The following ZNF701 variants were observed in gnomAD, a reference collection of about 807,000 sequenced individuals.
ZNF701 encodes zinc finger protein 701.
In ZNF701, 6 loss-of-function variants were observed where a neutral mutation model predicts 7.1. That is an observed-to-expected ratio of 0.84 (90% CI 0.46 to 1.66). The LOEUF (loss-of-function observed/expected upper bound fraction) is 1.66, where lower values mean the gene tolerates loss of function less well. Ranked by LOEUF, ZNF701 falls within the 40% of genes most tolerant of loss-of-function variation. ZNF701 has a pLI of 0.01. For missense variants in ZNF701, 541 were observed against 559.2 expected, an observed-to-expected ratio of 0.97 and a Z score of 0.33; for synonymous variants, 166 against 188.2, an observed-to-expected ratio of 0.88 and a Z score of 0.97.
chr19:52,575,540 G>T (rs1295205711), intron 2 of ZNF701, among the ~76,000 whole-genome samples: 1 of 149,414 alleles, frequency 6.7e-6, no homozygotes, highest in African/African-American at 2.5e-5. Context: ...TTGCTTTGTT[G>T]CCCAGGCTAG....
In ZNF701 at chr19:52,582,376, C is replaced by T; in HGVS notation, c.317C>T (p.Thr106Ile). The change falls in exon 4 of 4, where the codon ACA (threonine) becomes ATA (isoleucine). Residue 106 changes from threonine to isoleucine, a missense_variant. By Grantham distance (89) the Thr-to-Ile change is moderately conservative. Coordinates refer to ENST00000391785, the MANE Select transcript of ZNF701 (RefSeq NM_018260.3). ...GTGTTTCAGTGGCAAGAAAATGAAA[C>T]AAATGGCCATGAAGCACTCATGACA... ...DFVFQWQENE[T>I]NGHEALMTKT... The T allele has an allele frequency of 1.9e-6, 3 of 1,613,548 alleles. No homozygotes were observed. Among genetic ancestry groups the T allele is most frequent in the Non-Finnish European group, 2.5e-6 (3 of 1,179,800 alleles).
intron 2 of ZNF701, 84 bp downstream of exon 2, chr19:52,574,246 C>T: frequency 6.4e-7 from 1 of 1,572,330 alleles, no homozygotes; most frequent in Non-Finnish European, 8.7e-7. Flanking sequence ...CTCTGAGTCT[C>T]AAGTGTCCTG....
chr19:52,591,897 T>G, downstream of ZNF701: 2 of 321,772 alleles, frequency 6.2e-6, no homozygotes, highest in South Asian at 4.5e-5. Flanking sequence ...ACTTCCACAG[T>G]GACTTAGGGG....
the ZNF701 span, chr19:52,597,289 C>G: frequency 7.3e-6 from 4 of 544,866 alleles, no homozygotes; most frequent in Middle Eastern, 6.2e-4. Flanking sequence ...GTCTTGACTT[C>G]ACGTTCACAC....
At position 52,583,770 on chromosome 19, in the gene ZNF701, C is replaced by CA; in HGVS notation, c.*314dup. 3.0e-6 allele frequency: 2 copies of CA among 662,024 alleles called. No homozygotes were observed. Among genetic ancestry groups the CA allele is most frequent in the Non-Finnish European group, 5.6e-6 (2 of 359,746 alleles). 41.0% of individuals were successfully genotyped at this position (662,024 alleles called of 1,614,324 possible). A position where few individuals can be genotyped will look rare whatever the true frequency, so the allele number is the denominator to read the frequency against. Reference sequence around the variant, plus strand: ...AACACTTACTCACCATCAAGCAATCCATGGTATAGGGAAACTTGACTAATG... The same window carrying CA: ...AACACTTACTCACCATCAAGCAATCCAATGGTATAGGGAAACTTGACTAATG... On this transcript the variant is annotated 3_prime_UTR_variant, in exon 4 of 4. Coordinates refer to ENST00000391785, the MANE Select transcript of ZNF701 (RefSeq NM_018260.3).
chr19:52,592,411 G>T, the ZNF701 span, among the ~76,000 whole-genome samples: 6 of 152,122 alleles, frequency 3.9e-5, no homozygotes, highest in Admixed American at 6.6e-5. Flanking sequence ...TTATGGAGTG[G>T]TTTTACATAA....
At position 52,583,488 on chromosome 19, in the gene ZNF701, A is replaced by T. The variant is rs1396042451; in HGVS notation, c.*31A>T. 2 of 1,608,704 alleles carry T rather than the reference A, an allele frequency of 1.2e-6. No individual in the cohort carries two copies. Among genetic ancestry groups the T allele is most frequent in the Admixed American group, 3.4e-5 (2 of 59,608 alleles). On this transcript the variant is annotated 3_prime_UTR_variant, in exon 4 of 4. Transcript: ENST00000391785. ...TAAATTTGCAAGGTTTTTAGGCAAC[A>T]GTCAAACCTTGCATGTCATCATAGA...
chr19:52,579,640 G>A (rs570231334), intron 3 of ZNF701, among the ~76,000 whole-genome samples: 2 of 141,504 alleles, frequency 1.4e-5, no homozygotes, highest in East Asian at 2.0e-4. Context: ...TTGGGAGGCT[G>A]AGGTGGGCAG....
rs1010988147 is a variant in ZNF701 at position 52,586,442 on chromosome 19, A to T, written c.*2985A>T. 5 of 152,102 alleles carry T rather than the reference A, an allele frequency of 3.3e-5. No homozygotes were observed. The highest frequency in any genetic ancestry group is 1.2e-4 in the African/African-American group (5 of 41,420). The allele number at this position is 152,102 out of a possible 1,614,324, so 9.4% of individuals were successfully genotyped here. On this transcript the variant is annotated 3_prime_UTR_variant, in exon 4 of 4. Transcript: ENST00000391785. ...TGAGGCCGATTCTCCTCTATCCAGG[A>T]GACGGGTTTCACCATTTTGCCAGGT...
At chr19:52,571,465 G>A (rs181106949) in intron 1 of ZNF701, among the ~76,000 whole-genome samples, 25 of 152,248 alleles carry the variant, frequency 1.6e-4, no homozygotes, top group Admixed American at 1.6e-3. Flanking sequence ...GAGGACGATC[G>A]AAGAATTGGG....
At chr19:52,572,026 T>C (rs556755372) in intron 1 of ZNF701, among the ~76,000 whole-genome samples, 5 of 152,214 alleles carry the variant, frequency 3.3e-5, no homozygotes, top group Admixed American at 6.5e-5. Context: ...TTTCTCCATA[T>C]TGGTCAGGTT....
rs2075243587 is a variant in ZNF701, at chr19:52,572,516, T to A, written c.-71-1561T>A. The A allele has an allele frequency of 6.7e-6, 5 of 745,236 alleles. No individual in the cohort carries two copies. In the South Asian group the frequency reaches 8.8e-5, roughly 13 times the overall value. The allele number at this position is 745,236 out of a possible 1,614,324, so 46.2% of individuals were successfully genotyped here. ...GGTATGTGAAAGAGGCTTCTCTAAT[T>A]TTCAAGGATAGTTTTGATAAGGCCA... On this transcript the variant is annotated intron_variant, in intron 1 of 3. Coordinates refer to ENST00000391785, the MANE Select transcript of ZNF701 (RefSeq NM_018260.3).
Position 52,585,090 on chromosome 19 carries a change from C to G in ZNF701, c.*1633C>G, listed in dbSNP as rs1039499853. Reference sequence around the variant, plus strand: ...AAATTGAGACGTCCGGGTGGGAGTCCGTGAGTCTTTTCCTTTTGAGTTTAA... The same window carrying G: ...AAATTGAGACGTCCGGGTGGGAGTCGGTGAGTCTTTTCCTTTTGAGTTTAA... On this transcript the variant is annotated 3_prime_UTR_variant, in exon 4 of 4. Transcript: ENST00000391785. 2.0e-5 allele frequency: 3 copies of G among 151,738 alleles called. No individual in the cohort carries two copies. The highest frequency in any genetic ancestry group is 4.8e-5 in the African/African-American group (2 of 41,442). The allele number at this position is 151,738 out of a possible 1,614,324, so 9.4% of individuals were successfully genotyped here.
chr19:52,580,157 A>G (rs1332974614), intron 3 of ZNF701, among the ~76,000 whole-genome samples: 2 of 132,306 alleles, frequency 1.5e-5, no homozygotes, highest in Non-Finnish European at 3.0e-5. Flanking sequence ...ATTAGCCAGG[A>G]TGGTCTCAAT....
At position 52,583,258 on chromosome 19, in the gene ZNF701, A is replaced by C. The variant is rs1401970647; in HGVS notation, c.1199A>C (p.His400Pro). The C allele has an allele frequency of 6.2e-7, 1 of 1,610,204 alleles. No homozygotes were observed. Among genetic ancestry groups the C allele is most frequent in the South Asian group, 1.1e-5 (1 of 90,964 alleles). ...TFVQNSSLVM[H>P]KVIHTGEKRY... ...GTTCAAAATTCATCTCTTGTAATGC[A>C]TAAGGTCATTCATACTGGAGAGAAA... Residue 400 changes from histidine to proline, a missense_variant, in exon 4 of 4, where the codon CAT (histidine) becomes CCT (proline). Physicochemically the swap from His to Pro is moderately conservative, Grantham distance 77 (BLOSUM62 -2). Transcript: ENST00000391785.
intron 3 of ZNF701, among the ~76,000 whole-genome samples, chr19:52,579,488 C>G (rs1209150193): frequency 7.7e-6 from 1 of 129,848 alleles, no homozygotes; most frequent in Non-Finnish European, 1.5e-5. Flanking sequence ...CCATTGCACT[C>G]CAGCCTGGGC....
chr19:52,570,319 C>A lies in ZNF701; in HGVS notation c.-83C>A, dbSNP rs561547346. The A allele has an allele frequency of 2.6e-5, 4 of 154,286 alleles. No homozygotes were observed. The highest frequency in any genetic ancestry group is 1.9e-4 in the South Asian group (1 of 5,334). 9.6% of individuals were successfully genotyped at this position (154,286 alleles called of 1,614,324 possible). A position where few individuals can be genotyped will look rare whatever the true frequency, so the allele number is the denominator to read the frequency against. On this transcript the variant is annotated 5_prime_UTR_variant, in exon 1 of 4. Coordinates refer to ENST00000391785, the MANE Select transcript of ZNF701 (RefSeq NM_018260.3). Reference sequence around the variant, plus strand: ...GAAGCGGATCCCGTGGAGTGAAGGTCGCACCGCGGCGGTGAGTTTTGCTCT... The same window carrying A: ...GAAGCGGATCCCGTGGAGTGAAGGTAGCACCGCGGCGGTGAGTTTTGCTCT...
downstream of ZNF701, among the ~76,000 whole-genome samples, chr19:52,589,804 A>T (rs1044781753): frequency 1.5e-4 from 22 of 151,538 alleles, no homozygotes; most frequent in South Asian, 2.1e-4. Context: ...CTTTAAAAAA[A>T]TTTTTTTGAG....
chr19:52,596,847 A>G, the ZNF701 span: 2 of 547,592 alleles, frequency 3.7e-6, no homozygotes, highest in Non-Finnish European at 7.5e-6. Context: ...CATAGACTTC[A>G]TACTGTCTAA....
Sources: gnomAD v4.1 joint callset for allele counts (sites outside exome capture counted in the v4.1 genomes callset) on GRCh38, gnomAD v4.1.1 for gene constraint, MANE v1.5 for transcripts, NCBI Gene and HGNC (gene_info 2026-07-23, HGNC 2026-07-21) for gene names.